The following LHPP variants were observed in gnomAD, a reference collection of about 807,000 sequenced individuals.
LHPP encodes the protein phospholysine phosphohistidine inorganic pyrophosphate phosphatase, also known as hLHPP.
Under a neutral mutation model 30.3 loss-of-function variants are expected in LHPP, and 24 were observed. The observed-to-expected ratio is 0.79, with a 90% confidence interval of 0.57 to 1.11. The LOEUF (loss-of-function observed/expected upper bound fraction) is 1.11. Among genes scored for constraint, LHPP ranks in the 50% most tolerant of loss-of-function variants. The pLI, the probability that LHPP is intolerant of heterozygous loss-of-function variation, is 0.00. For synonymous variants in LHPP, 150 were observed against 157.1 expected, an observed-to-expected ratio of 0.95 and a Z score of 0.34; for missense variants, 356 against 367.2, an observed-to-expected ratio of 0.97 and a Z score of 0.25.
intron 6 of LHPP, among the ~76,000 whole-genome samples, chr10:124,611,449 T>C (rs922317486): frequency 6.6e-6 from 1 of 151,592 alleles, no homozygotes; most frequent in Non-Finnish European, 1.5e-5. Context: ...GCTCGGAGAC[T>C]GTGCAGGAGG....
chr10:124,607,814 T>G (rs2061069), intron 6 of LHPP, among the ~76,000 whole-genome samples: 16,230 of 152,264 alleles, frequency 0.11, 971 homozygotes, highest in East Asian at 0.17. Flanking sequence ...AGATGGGAAC[T>G]GGCTGCGGTA....
intron 6 of LHPP, among the ~76,000 whole-genome samples, chr10:124,606,154 C>T (rs563699562): frequency 1.3e-5 from 2 of 152,286 alleles, no homozygotes; most frequent in East Asian, 1.9e-4. Flanking sequence ...AACCCGCAGC[C>T]GCCCCGCAGG....
chr10:124,595,492 G>C (rs920948782), intron 6 of LHPP, among the ~76,000 whole-genome samples: 2 of 152,220 alleles, frequency 1.3e-5, no homozygotes, highest in Non-Finnish European at 2.9e-5. Flanking sequence ...CTCACACCCT[G>C]GCCTGTGCTG....
chr10:124,557,457 C>G (rs571093095), intron 6 of LHPP, among the ~76,000 whole-genome samples: 12 of 152,344 alleles, frequency 7.9e-5, no homozygotes, highest in Non-Finnish European at 1.5e-4. Context: ...CTCGGGCGCA[C>G]TAGCCCCCTT....
At chr10:124,607,483 T>C (rs1949110356) in intron 6 of LHPP, among the ~76,000 whole-genome samples, 1 of 152,266 alleles carries the variant, frequency 6.6e-6, no homozygotes, top group Non-Finnish European at 1.5e-5. Context: ...ATTTAAATGA[T>C]ATGTAATTAA....
chr10:124,477,774 T>G (rs1275321498), intron 1 of LHPP, among the ~76,000 whole-genome samples: 13 of 152,176 alleles, frequency 8.5e-5, no homozygotes, highest in Non-Finnish European at 1.8e-4. Flanking sequence ...TTTCTCAAAT[T>G]CCAGCCTCAC....
intron 6 of LHPP, among the ~76,000 whole-genome samples, chr10:124,520,458 A>G (rs1240820233): frequency 1.3e-5 from 2 of 152,198 alleles, no homozygotes; most frequent in African/African-American, 4.8e-5. Context: ...ATCCGTATCC[A>G]TGCATATCCA....
chr10:124,497,118 C>T (rs539292250), intron 4 of LHPP, 94 bp downstream of exon 4: 37 of 1,008,670 alleles, frequency 3.7e-5, no homozygotes, highest in South Asian at 1.9e-4. Flanking sequence ...GCTTAATTAA[C>T]GTACAAATGG....
chr10:124,586,723 C>T (rs1327591752), intron 6 of LHPP, among the ~76,000 whole-genome samples: 7 of 152,168 alleles, frequency 4.6e-5, no homozygotes, highest in Non-Finnish European at 8.8e-5. Context: ...CGAGAAGGAC[C>T]ACAACTCTCC....
chr10:124,580,358 G>T (rs140429335), intron 6 of LHPP, among the ~76,000 whole-genome samples: 1 of 152,298 alleles, frequency 6.6e-6, no homozygotes, highest in Non-Finnish European at 1.5e-5. Context: ...TAGAAAGAAG[G>T]ATATTCTACA....
At chr10:124,516,357 G>T (rs182284231) in intron 5 of LHPP, among the ~76,000 whole-genome samples, 1 of 152,244 alleles carries the variant, frequency 6.6e-6, no homozygotes, top group African/African-American at 2.4e-5. Flanking sequence ...GACCTCATTC[G>T]CCCTTAAAGA....
chr10:124,579,376 G>T (rs930828256), intron 6 of LHPP, among the ~76,000 whole-genome samples: 1 of 152,202 alleles, frequency 6.6e-6, no homozygotes, highest in Non-Finnish European at 1.5e-5. Flanking sequence ...AACTTACATA[G>T]CACCTATTCA....
chr10:124,495,472 C>T (rs1386520518), intron 3 of LHPP, among the ~76,000 whole-genome samples: 1 of 152,226 alleles, frequency 6.6e-6, no homozygotes, highest in Non-Finnish European at 1.5e-5. Flanking sequence ...GCATCTGAGG[C>T]AGGCAGTGGA....
At chr10:124,551,375 GC>G (rs1000907964) in intron 6 of LHPP, among the ~76,000 whole-genome samples, 1 of 152,096 alleles carries the variant, frequency 6.6e-6, no homozygotes, top group Non-Finnish European at 1.5e-5. Flanking sequence ...AGCAAGTTTG[GC>G]ACCCCCGGCC....
intron 6 of LHPP, among the ~76,000 whole-genome samples, chr10:124,602,312 G>A (rs369112294): frequency 3.3e-5 from 5 of 152,368 alleles, no homozygotes; most frequent in East Asian, 3.9e-4. Context: ...CCCATGGCGC[G>A]CTGTGCAGAG....
chr10:124,568,208 C>T (rs1273423305), intron 6 of LHPP, among the ~76,000 whole-genome samples: 1 of 152,206 alleles, frequency 6.6e-6, no homozygotes, highest in Non-Finnish European at 1.5e-5. Context: ...GCCACCATGC[C>T]CGGCTGGTTC....
intron 6 of LHPP, among the ~76,000 whole-genome samples, chr10:124,519,157 AGGCTGGT>A (rs1356372696): frequency 6.6e-6 from 1 of 152,164 alleles, no homozygotes; most frequent in African/African-American, 2.4e-5. Flanking sequence ...CATGTTGGCC[AGGCTGGT>A]CTCGAACTCC....
chr10:124,599,475 C>T (rs1459857415), intron 6 of LHPP, among the ~76,000 whole-genome samples: 5 of 152,226 alleles, frequency 3.3e-5, no homozygotes, highest in Non-Finnish European at 7.3e-5. Context: ...GGCCAAAGCC[C>T]AGGCCCCCTC....
In LHPP at chr10:124,488,403, T is replaced by A; in HGVS notation, c.314-19T>A. ...CCTCCCAGGGCTCCGTGGCACTCTG[T>A]CTCTCTCTCTCTTTCCAGGAGTCCG... On this transcript the variant is annotated intron_variant, in intron 2 of 6. Transcript: ENST00000368842. 6.4e-7 allele frequency: 1 copy of A among 1,568,818 alleles called. No homozygotes were observed. The highest frequency in any genetic ancestry group is 8.7e-7 in the Non-Finnish European group (1 of 1,148,706).
Sources: gnomAD v4.1 joint callset for allele counts (sites outside exome capture counted in the v4.1 genomes callset) on GRCh38, gnomAD v4.1.1 for gene constraint, MANE v1.5 for transcripts, NCBI Gene and HGNC (gene_info 2026-07-23, HGNC 2026-07-21) for gene names.